The following DYSF variants were observed in gnomAD, a reference collection of about 807,000 sequenced individuals.
The protein encoded by DYSF is dystrophy-associated fer-1-like 1.
Under a neutral mutation model 274.9 loss-of-function variants are expected in DYSF, and 212 were observed. The ratio of observed to expected loss-of-function variants is 0.77; its 90% CI spans 0.69 to 0.86. The LOEUF (loss-of-function observed/expected upper bound fraction) is 0.86. DYSF is among the 40% of genes least tolerant of loss of function. DYSF has a pLI of 0.00. For missense variants in DYSF, 2,666 were observed against 2,783.2 expected (o/e 0.96, Z 0.95); for synonymous variants, 1,091 against 1,078.7 (o/e 1.01, Z -0.22).
chr2:71,484,761 G>A (rs12993484), intron 3 of DYSF, among the ~76,000 whole-genome samples: 108,217 of 152,196 alleles, frequency 0.71, 39,181 homozygotes, highest in East Asian at 0.79. Context: ...TAAGACCACA[G>A]AGGCAAAATG....
chr2:71,517,665 A>G (rs754060326), intron 10 of DYSF, among the ~76,000 whole-genome samples: 2 of 152,122 alleles, frequency 1.3e-5, no homozygotes, highest in Non-Finnish European at 2.9e-5. Flanking sequence ...CACGGGAGTT[A>G]GGCTCCTATC....
chr2:71,499,137 C>T (rs891184696), intron 3 of DYSF, among the ~76,000 whole-genome samples: 12 of 152,248 alleles, frequency 7.9e-5, no homozygotes, highest in African/African-American at 2.9e-4. Flanking sequence ...GGTAACCCCT[C>T]TTCTTAGTTT....
intron 32 of DYSF, among the ~76,000 whole-genome samples, chr2:71,592,796 C>T (rs549615637): frequency 6.6e-6 from 1 of 152,338 alleles, no homozygotes; most frequent in South Asian, 2.1e-4. Context: ...TTGCTTCTCT[C>T]TATATGGTGG....
chr2:71,560,189 G>A (rs1001174305), intron 22 of DYSF, among the ~76,000 whole-genome samples: 17 of 152,120 alleles, frequency 1.1e-4, no homozygotes, highest in Non-Finnish European at 2.2e-4. Context: ...GAGACAGCAC[G>A]GAGACAGCTT....
chr2:71,656,371 C>T (rs934898195), intron 43 of DYSF, 81 bp downstream of exon 43: 31 of 1,592,052 alleles, frequency 1.9e-5, no homozygotes, highest in South Asian at 6.6e-5. Context: ...AGGGGTCGTA[C>T]CTACACTGGT....
intron 14 of DYSF, among the ~76,000 whole-genome samples, chr2:71,530,963 C>T (rs1295077498): frequency 2.0e-5 from 3 of 151,990 alleles, no homozygotes; most frequent in African/African-American, 7.3e-5. Context: ...TTGATTTGGC[C>T]AAGTTCCTAA....
At chr2:71,579,254 G>C (rs1311707521) in intron 30 of DYSF, among the ~76,000 whole-genome samples, 1 of 152,146 alleles carries the variant, frequency 6.6e-6, no homozygotes, top group African/African-American at 2.4e-5. Context: ...CCATGATCGA[G>C]GATTTTTCCA....
At chr2:71,571,824 C>T (rs1244780401) in intron 29 of DYSF, among the ~76,000 whole-genome samples, 6 of 130,290 alleles carry the variant, frequency 4.6e-5, no homozygotes, top group South Asian at 6.0e-4. Context: ...AGCACACACA[C>T]ATCACACCCA....
At chr2:71,510,901 G>A (rs756791053) in intron 4 of DYSF, among the ~76,000 whole-genome samples, 36 of 152,230 alleles carry the variant, frequency 2.4e-4, no homozygotes, top group Non-Finnish European at 4.0e-4. Flanking sequence ...GTGGAGTCAC[G>A]GAATTATGGA....
chr2:71,570,768 T>G (rs1445724283), intron 29 of DYSF, 27 bp downstream of exon 29: 2 of 1,612,420 alleles, frequency 1.2e-6, no homozygotes, highest in Non-Finnish European at 1.7e-6. Flanking sequence ...TGGGTGGGAG[T>G]GAGGCCTGTG....
rs2086580656 is a variant in DYSF, at chr2:71,515,701, C to A, written c.838C>A (p.Gln280Lys). ...TGTGGTCAAGGTTACCGCTGCAGGG[C>A]AGACCAAGCGGACGCGGATCCACAA... ...KPVVKVTAAG[Q>K]TKRTRIHKGN... Residue 280 changes from glutamine (Q) to lysine (K), a missense_variant, in exon 8 of 56, where the codon CAG (glutamine) becomes AAG (lysine). Physicochemically the swap from Gln to Lys is moderately conservative, Grantham distance 53. Around this residue, in one of 3 missense-constraint regions of DYSF, gnomAD observed 794 missense variants for 777.1 expected, o/e 1.02. Transcript: ENST00000410020. 6.2e-7 allele frequency: 1 copy of A among 1,614,072 alleles called. No individual in the cohort carries two copies. The highest frequency in any genetic ancestry group is 8.5e-7 in the Non-Finnish European group (1 of 1,180,022).
At position 71,571,045 on chromosome 2, in the gene DYSF, A is replaced by G. The variant is rs2092395792; in HGVS notation, c.3228+304A>G. The G allele has an allele frequency of 1.6e-4, 71 of 448,368 alleles. No homozygotes were observed. In the African/African-American group the frequency reaches 1.7e-3, roughly 11 times the overall value. 27.8% of individuals were successfully genotyped at this position (448,368 alleles called of 1,614,324 possible). ...CTCAGCACACACACAGATTACACCCAGCACACACACAGATCACACCCAGCA... is the reference window on the plus strand; with the variant it reads ...CTCAGCACACACACAGATTACACCCGGCACACACACAGATCACACCCAGCA... On this transcript the variant is annotated intron_variant, in intron 29 of 55. Transcript: ENST00000410020.
intron 1 of DYSF, among the ~76,000 whole-genome samples, chr2:71,480,464 G>A (rs1442401059): frequency 6.6e-6 from 1 of 152,058 alleles, no homozygotes; most frequent in Admixed American, 6.6e-5. Flanking sequence ...TGAGGTGAGA[G>A]GATAGCTTGA....
At chr2:71,633,831 A>G (rs749168506) in intron 41 of DYSF, among the ~76,000 whole-genome samples, 1 of 152,202 alleles carries the variant, frequency 6.6e-6, no homozygotes, top group Non-Finnish European at 1.5e-5. Flanking sequence ...GAGAGAAAAC[A>G]AGTTCTGTAC....
chr2:71,631,653 T>A (rs550194201), intron 41 of DYSF, among the ~76,000 whole-genome samples: 11 of 152,300 alleles, frequency 7.2e-5, no homozygotes, highest in African/African-American at 2.6e-4. Flanking sequence ...ATCTGTTAGC[T>A]ATTTGGAGTA....
At chr2:71,556,760 GCTTCT>G (rs1471422092) in intron 22 of DYSF, among the ~76,000 whole-genome samples, 1 of 152,228 alleles carries the variant, frequency 6.6e-6, no homozygotes, top group Non-Finnish European at 1.5e-5. Context: ...ACTTTGGGAA[GCTTCT>G]CTTCTCTGGA....
intron 22 of DYSF, among the ~76,000 whole-genome samples, chr2:71,556,584 T>A (rs377336432): frequency 1.3e-5 from 2 of 152,222 alleles, no homozygotes; most frequent in African/African-American, 4.8e-5. Context: ...GTTTTGACCC[T>A]TGGTTTTCTC....
At chr2:71,531,183 A>G (rs1178570402) in intron 14 of DYSF, among the ~76,000 whole-genome samples, 1 of 151,998 alleles carries the variant, frequency 6.6e-6, no homozygotes, top group Admixed American at 6.6e-5. Flanking sequence ...CATATTCTGT[A>G]CCCTGCACCA....
chr2:71,486,615 T>G (rs1297528447), intron 3 of DYSF, among the ~76,000 whole-genome samples: 3 of 152,080 alleles, frequency 2.0e-5, no homozygotes, highest in Non-Finnish European at 2.9e-5. Context: ...CTTTCATGCC[T>G]CAGGAAGGAA....
Sources: allele counts gnomAD v4.1 joint callset (sites outside exome capture counted in the v4.1 genomes callset), GRCh38; gene constraint gnomAD v4.1.1; regional missense constraint gnomAD v4.1.1; transcripts MANE v1.5; gene names NCBI Gene and HGNC (gene_info 2026-07-23, HGNC 2026-07-21).